The following VPS13B variants were observed in gnomAD, a reference collection of about 807,000 sequenced individuals.
The protein encoded by VPS13B is intermembrane lipid transfer protein VPS13B.
VPS13B carries 285 observed loss-of-function variants against 426.4 expected under a neutral mutation model. The observed-to-expected ratio is 0.67, with a 90% CI of 0.61 to 0.74. The LOEUF (loss-of-function observed/expected upper bound fraction) is 0.74, where lower values mean the gene tolerates loss of function less well. VPS13B is among the 30% of genes least tolerant of loss of function. The probability of loss-of-function intolerance (pLI) is 0.00; values close to 1 mark genes in which losing one functional copy is unlikely to be tolerated. For synonymous variants in VPS13B, 1,676 were observed against 1,676.4 expected (o/e 1.00, Z 0.01); for missense variants, 4,537 against 4,782.6 (o/e 0.95, Z 1.51).
chr8:99,197,906 T>G (rs1284024818), intron 17 of VPS13B, among the ~76,000 whole-genome samples: 1 of 152,164 alleles, frequency 6.6e-6, no homozygotes, highest in Non-Finnish European at 1.5e-5. Flanking sequence ...GGTGAAAATA[T>G]TCTGTAATTA....
chr8:99,392,754 T>C (rs988074470), intron 21 of VPS13B, among the ~76,000 whole-genome samples: 1 of 152,166 alleles, frequency 6.6e-6, no homozygotes, highest in Non-Finnish European at 1.5e-5. Context: ...TTTTGTGCTT[T>C]ATGATTTTTC....
chr8:99,434,582 C>T (rs1414375045), intron 22 of VPS13B, among the ~76,000 whole-genome samples: 1 of 152,116 alleles, frequency 6.6e-6, no homozygotes, highest in African/African-American at 2.4e-5. Context: ...ACATACCTGC[C>T]ATAAAAACTT....
chr8:99,406,033 C>T (rs914028051), intron 21 of VPS13B, among the ~76,000 whole-genome samples: 1 of 152,102 alleles, frequency 6.6e-6, no homozygotes, highest in African/African-American at 2.4e-5. Flanking sequence ...CCAACTCAGC[C>T]TCCCAAAGTG....
At chr8:99,845,486 G>C (rs1048705973) in intron 54 of VPS13B, among the ~76,000 whole-genome samples, 2 of 152,218 alleles carry the variant, frequency 1.3e-5, no homozygotes, top group Non-Finnish European at 2.9e-5. Flanking sequence ...AGTTGGCTGA[G>C]GTATGGGTGC....
chr8:99,506,393 T>G (rs1821502355), intron 27 of VPS13B, among the ~76,000 whole-genome samples: 1 of 152,234 alleles, frequency 6.6e-6, no homozygotes, highest in Non-Finnish European at 1.5e-5. Flanking sequence ...CTGAAGTAAT[T>G]TTTAATGTCA....
At chr8:99,598,348 T>G (rs1163431794) in intron 33 of VPS13B, among the ~76,000 whole-genome samples, 1 of 152,104 alleles carries the variant, frequency 6.6e-6, no homozygotes, top group Non-Finnish European at 1.5e-5. Flanking sequence ...AGGAAATATC[T>G]GTACTATGTA....
chr8:99,058,410 T>C (rs1843999347), intron 3 of VPS13B, among the ~76,000 whole-genome samples: 1 of 151,544 alleles, frequency 6.6e-6, no homozygotes, highest in Non-Finnish European at 1.5e-5. Context: ...ATAATGGATT[T>C]ATTTAAAAAT....
At chr8:99,364,728 C>T (rs929430264) in intron 19 of VPS13B, among the ~76,000 whole-genome samples, 15 of 152,120 alleles carry the variant, frequency 9.9e-5, no homozygotes, top group African/African-American at 2.2e-4. Flanking sequence ...CCACTGCGCC[C>T]GTTGTAGTTT....
chr8:99,421,216 C>G lies in VPS13B; in HGVS notation c.3083-10321C>G, dbSNP rs188528026. On this transcript the variant is annotated intron_variant, in intron 21 of 61. Transcript: ENST00000357162. The stretch of plus-strand genomic sequence containing the variant: ...TGTACCAAGTTGAATGGTTCATCCC[C>G]AAGATATAATTGTTGATATGTTATT... Among the ~76,000 whole-genome samples the G allele has an allele frequency of 3.9e-5, 6 of 152,138 alleles. No homozygotes were observed. In the East Asian group the frequency reaches 1.2e-3, roughly 29 times the overall value.
At chr8:99,532,345 A>G (rs893434407) in intron 30 of VPS13B, among the ~76,000 whole-genome samples, 3 of 152,186 alleles carry the variant, frequency 2.0e-5, no homozygotes, top group Non-Finnish European at 4.4e-5. Flanking sequence ...TTTCATTCTC[A>G]TAAAACATGT....
chr8:99,788,254 C>CA (rs1004269750), intron 43 of VPS13B, among the ~76,000 whole-genome samples: 3 of 150,160 alleles, frequency 2.0e-5, no homozygotes, highest in Non-Finnish European at 3.0e-5. Context: ...AAAATCTCCA[C>CA]AAAAAAATTT....
intron 36 of VPS13B, among the ~76,000 whole-genome samples, chr8:99,700,497 A>C (rs532396410): frequency 6.6e-6 from 1 of 152,396 alleles, no homozygotes; most frequent in East Asian, 1.9e-4. Flanking sequence ...CACAAAGTGT[A>C]ACAGAAGCCA....
At chr8:99,685,972 G>A (rs1047620770) in intron 35 of VPS13B, among the ~76,000 whole-genome samples, 1 of 152,014 alleles carries the variant, frequency 6.6e-6, no homozygotes, top group African/African-American at 2.4e-5. Context: ...GTCTGGGCTT[G>A]TTTGTACCTG....
intron 17 of VPS13B, chr8:99,209,873 T>C (rs1249823248): frequency 2.2e-6 from 1 of 448,600 alleles, no homozygotes; most frequent in Admixed American, 6.8e-5. Context: ...AAGTTTATAA[T>C]GTATACTAAA....
chr8:99,170,232 T>G lies in VPS13B; in HGVS notation c.2333+69T>G, dbSNP rs1215829002. On this transcript the variant is annotated intron_variant, in intron 16 of 61. Transcript: ENST00000357162. ...TATTAGGAGGGAAAAAACCCCCAAA[T>G]GTATCTGTCTTATGCCCATGCTAGT... is the stretch of plus-strand genomic sequence containing the variant. 10 of 1,561,502 alleles carry G rather than the reference T, an allele frequency of 6.4e-6. No homozygotes were observed. In the South Asian group the frequency reaches 9.0e-5, roughly 14 times the overall value.
At chr8:99,829,067 G>A (rs918110744) in intron 51 of VPS13B, among the ~76,000 whole-genome samples, 4 of 152,058 alleles carry the variant, frequency 2.6e-5, no homozygotes, top group African/African-American at 4.8e-5. Flanking sequence ...TGAATCTGAC[G>A]ATTAAGTGTC....
At chr8:99,845,352 A>G (rs1412648267) in intron 54 of VPS13B, among the ~76,000 whole-genome samples, 1 of 151,970 alleles carries the variant, frequency 6.6e-6, no homozygotes, top group African/African-American at 2.4e-5. Context: ...GTAACTAACC[A>G]CCCCAAAACC....
At chr8:99,849,997 G>A (rs534299317) in intron 55 of VPS13B, among the ~76,000 whole-genome samples, 6 of 113,260 alleles carry the variant, frequency 5.3e-5, no homozygotes, top group East Asian at 2.7e-4. Flanking sequence ...ACATAAGTAC[G>A]CATGTATGTA....
intron 17 of VPS13B, among the ~76,000 whole-genome samples, chr8:99,244,760 T>A (rs1245939699): frequency 1.3e-5 from 2 of 152,212 alleles, no homozygotes; most frequent in Non-Finnish European, 2.9e-5. Context: ...TCAGCAAAGT[T>A]ATTTCTCATC....
Sources: gnomAD v4.1 joint callset for allele counts (sites outside exome capture counted in the v4.1 genomes callset) on GRCh38, gnomAD v4.1.1 for gene constraint, MANE v1.5 for transcripts, NCBI Gene and HGNC (gene_info 2026-07-23, HGNC 2026-07-21) for gene names.